Variants in FAT3 observed in about 807,000 individuals in gnomAD.
FAT3 encodes the protein FAT atypical cadherin 3.
FAT3 carries 95 observed loss-of-function variants against 310.2 expected under a neutral mutation model. That is an observed-to-expected ratio of 0.31 (90% CI 0.26 to 0.36). The LOEUF is 0.36. Ranked by LOEUF, FAT3 falls within the 10% of genes least tolerant of loss-of-function variation. The pLI is 1.00. For missense variants in FAT3, 5,408 were observed against 5,715.6 expected, an observed-to-expected ratio of 0.95 and a Z score of 1.74; for synonymous variants, 2,314 against 2,192.9, an observed-to-expected ratio of 1.06 and a Z score of -1.54.
intron 2 of FAT3, among the ~76,000 whole-genome samples, chr11:92,386,067 G>C (rs1386189745): frequency 6.6e-6 from 1 of 152,042 alleles, no homozygotes; most frequent in Non-Finnish European, 1.5e-5. Context: ...AGGATCGCTT[G>C]AGCCTGGGAA....
intron 2 of FAT3, chr11:92,406,463 A>C (rs1280929094): frequency 6.6e-6 from 1 of 152,204 alleles, no homozygotes; most frequent in African/African-American, 2.4e-5. Context: ...GCACATAAAG[A>C]GTCCTTAAAA....
chr11:92,623,796 A>G (rs1275036936), intron 3 of FAT3, among the ~76,000 whole-genome samples: 1 of 152,118 alleles, frequency 6.6e-6, no homozygotes, highest in Non-Finnish European at 1.5e-5. Context: ...ACAAAAAATT[A>G]GCTGGGCATT....
At chr11:92,832,499 A>G (rs1198709528) in intron 14 of FAT3, among the ~76,000 whole-genome samples, 5 of 152,036 alleles carry the variant, frequency 3.3e-5, no homozygotes, top group African/African-American at 1.2e-4. Context: ...AGTGCCCTCC[A>G]GCTTCTAAAG....
At chr11:92,713,984 A>C (rs1247673684) in intron 4 of FAT3, among the ~76,000 whole-genome samples, 2 of 150,718 alleles carry the variant, frequency 1.3e-5, no homozygotes, top group African/African-American at 4.9e-5. Flanking sequence ...AAATCAAATA[A>C]AAGCATAAAG....
rs1179262014 is a variant in FAT3 at position 92,773,057 on chromosome 11, AT to A, written c.4196-981del. Among the ~76,000 whole-genome samples the A allele has an allele frequency of 3.3e-5, 5 of 152,148 alleles. No homozygotes were observed. In the East Asian group the frequency reaches 9.6e-4, roughly 29 times the overall value. On this transcript the variant is annotated intron_variant, in intron 6 of 27. Transcript: ENST00000525166. ...CTGAGAACAAAATCAACACCATGAA[AT>A]TTCAGGCCAAAAGAAATAGAGCTTG...
At chr11:92,876,491 CT>C (rs1225344969) in intron 22 of FAT3, among the ~76,000 whole-genome samples, 2 of 152,230 alleles carry the variant, frequency 1.3e-5, no homozygotes, top group East Asian at 3.8e-4. Context: ...GTAGACATAG[CT>C]GGCATCAACA....
chr11:92,882,998 G>T lies in FAT3; in HGVS notation c.12542G>T (p.Arg4181Leu), dbSNP rs368233172. The change falls in exon 24 of 28, where the codon CGC becomes CTC. Residue 4181 changes from arginine to leucine, a missense_variant. Transcript: ENST00000525166. ...ATAGTCTTCCGCAAGAAGGTCTTCC[G>T]CAAGAACTACTCCCGCAACAACATC... Reference protein sequence around the residue: ...LFIVFRKKVFRKNYSRNNITL... With the variant: ...LFIVFRKKVFLKNYSRNNITL... 2.5e-6 allele frequency: 4 copies of T among 1,613,754 alleles called. No individual in the cohort carries two copies. The African/African-American group carries it at 4.0e-5, about 16-fold the overall frequency.
rs946616167 is a variant in FAT3, at chr11:92,664,873, C to A, written c.3608-32511C>A. 3.3e-5 allele frequency among the ~76,000 whole-genome samples: 5 copies of A among 152,238 alleles called. No homozygotes were observed. In the East Asian group the frequency reaches 7.7e-4, roughly 24 times the overall value. On this transcript the variant is annotated intron_variant, in intron 3 of 27. Transcript: ENST00000525166. ...TTTCTATTTAGTGCTTCTTCCCATC[C>A]CCACTCCCAACAAGGGTGGATGGGT...
At chr11:92,327,083 T>G (rs567584440) in intron 1 of FAT3, among the ~76,000 whole-genome samples, 2 of 152,266 alleles carry the variant, frequency 1.3e-5, no homozygotes, top group South Asian at 4.1e-4. Flanking sequence ...TAAATAATAT[T>G]TATTAAAAGA....
chr11:92,747,591 A>T (rs1945710226), intron 4 of FAT3, among the ~76,000 whole-genome samples: 1 of 152,152 alleles, frequency 6.6e-6, no homozygotes. Context: ...AGCTGGCTTG[A>T]ATTTCTTCCC....
At chr11:92,819,266 T>C (rs1451847269) in intron 13 of FAT3, among the ~76,000 whole-genome samples, 2 of 152,144 alleles carry the variant, frequency 1.3e-5, no homozygotes, top group Non-Finnish European at 2.9e-5. Context: ...GGACCAACAG[T>C]CTCAGTATCA....
intron 4 of FAT3, among the ~76,000 whole-genome samples, chr11:92,701,655 C>T (rs576787883): frequency 9.2e-5 from 14 of 152,272 alleles, no homozygotes; most frequent in African/African-American, 3.1e-4. Flanking sequence ...CCTTGATACC[C>T]AGTTATGATT....
At chr11:92,403,922 G>A (rs1950079510) in intron 2 of FAT3, among the ~76,000 whole-genome samples, 1 of 152,192 alleles carries the variant, frequency 6.6e-6, no homozygotes, top group South Asian at 2.1e-4. Flanking sequence ...TGTGGTCCCA[G>A]CTACTTGGGA....
intron 2 of FAT3, among the ~76,000 whole-genome samples, chr11:92,516,823 C>T (rs1427067417): frequency 1.3e-5 from 2 of 152,122 alleles, no homozygotes; most frequent in African/African-American, 4.8e-5. Context: ...GCAAAAATCA[C>T]AAGCATTCCT....
intron 2 of FAT3, among the ~76,000 whole-genome samples, chr11:92,478,490 G>C (rs904119666): frequency 2.0e-5 from 3 of 152,168 alleles, no homozygotes; most frequent in Admixed American, 6.5e-5. Context: ...CCTCACTCAG[G>C]AGATGATATA....
At chr11:92,714,095 G>A (rs1944603547) in intron 4 of FAT3, among the ~76,000 whole-genome samples, 1 of 152,150 alleles carries the variant, frequency 6.6e-6, no homozygotes, top group African/African-American at 2.4e-5. Flanking sequence ...TAAGACTACT[G>A]CTGTGGTTTC....
At position 92,801,166 on chromosome 11, in the gene FAT3, C is replaced by G; in HGVS notation, c.8153C>G (p.Ala2718Gly). ...CAGTCTCAGTATTCCTTTACCATTG[C>G]AGAAGATACAGCCATTGGGAGTACA... The part of the protein sequence containing the change: ...FTQSQYSFTI[A>G]EDTAIGSTVD... Residue 2718 changes from alanine (A) to glycine (G), a missense_variant, in exon 10 of 28, where the codon GCA becomes GGA. This residue lies in a region of FAT3 where 4,588 missense variants were observed against 4,809.8 expected (regional missense o/e 0.95). Coordinates refer to ENST00000525166, the MANE Select transcript of FAT3 (RefSeq NM_001367949.2). The G allele has an allele frequency of 6.2e-7, 1 of 1,613,924 alleles. No individual in the cohort carries two copies. The highest frequency in any genetic ancestry group is 2.2e-5 in the East Asian group (1 of 44,858).
chr11:92,698,053 G>A (rs951161425), intron 4 of FAT3, among the ~76,000 whole-genome samples: 23 of 152,136 alleles, frequency 1.5e-4, no homozygotes, highest in Middle Eastern at 3.2e-3. Context: ...TTTAAGCATC[G>A]AGTGTCTTTA....
intron 3 of FAT3, among the ~76,000 whole-genome samples, chr11:92,663,059 G>T (rs1942840609): frequency 6.6e-6 from 1 of 152,180 alleles, no homozygotes; most frequent in South Asian, 2.1e-4. Flanking sequence ...CACCAGGGGT[G>T]GGAAGCACGT....
Sources: gnomAD v4.1 joint callset for allele counts (sites outside exome capture counted in the v4.1 genomes callset) on GRCh38, gnomAD v4.1.1 for gene constraint, gnomAD v4.1.1 regional missense constraint, MANE v1.5 for transcripts, NCBI Gene and HGNC (gene_info 2026-07-23, HGNC 2026-07-21) for gene names.